ADAM28: variants seen among roughly 807,000 people sequenced by gnomAD.
The protein encoded by ADAM28 is ADAM metallopeptidase domain 28, also known as disintegrin and metalloproteinase domain-containing protein 28.
In ADAM28, 105 loss-of-function variants were observed where a neutral mutation model predicts 101.2. The observed-to-expected ratio is 1.04, with a 90% CI of 0.89 to 1.22. ADAM28 has a LOEUF of 1.22. Among genes scored for constraint, ADAM28 ranks in the 50% most tolerant of loss-of-function variants. The pLI is 0.00. For missense variants in ADAM28, 1,028 were observed against 945.4 expected (o/e 1.09, Z -1.15); for synonymous variants, 322 against 310.6 (o/e 1.04, Z -0.39).
At chr8:24,314,792 C>A (rs567651885) in intron 6 of ADAM28, among the ~76,000 whole-genome samples, 2 of 151,280 alleles carry the variant, frequency 1.3e-5, no homozygotes, top group East Asian at 3.9e-4. Context: ...TATATTGTGA[C>A]ATTAAAAGTA....
chr8:24,340,771 C>G (rs936179837), intron 15 of ADAM28: 1 of 152,160 alleles, frequency 6.6e-6, no homozygotes, highest in African/African-American at 2.4e-5. Context: ...TTTCTCCACT[C>G]CTCAAACATA....
At chr8:24,352,844 T>C (rs144874890) in intron 21 of ADAM28, among the ~76,000 whole-genome samples, 1 of 152,166 alleles carries the variant, frequency 6.6e-6, no homozygotes, top group African/African-American at 2.4e-5. Flanking sequence ...AATGTAAATG[T>C]TTTATCCTTT....
chr8:24,343,317 G>A (rs1345977109), intron 17 of ADAM28, 136 bp downstream of exon 17: 1 of 1,190,898 alleles, frequency 8.4e-7, no homozygotes, highest in East Asian at 2.5e-5. Context: ...CAGTAGCATG[G>A]TTCAAGGAGA....
chr8:24,314,348 T>C (rs1012079526), intron 6 of ADAM28, among the ~76,000 whole-genome samples: 1 of 152,180 alleles, frequency 6.6e-6, no homozygotes, highest in Non-Finnish European at 1.5e-5. Flanking sequence ...AGAATCTGGC[T>C]ACAGGAACTT....
chr8:24,317,311 A>G (rs1236780816), intron 6 of ADAM28, among the ~76,000 whole-genome samples: 9 of 152,104 alleles, frequency 5.9e-5, no homozygotes, highest in Admixed American at 5.3e-4. Flanking sequence ...AGTAATCGAA[A>G]GAGTATAATG....
Position 24,321,412 on chromosome 8 carries a change from T to G in ADAM28, c.720+123T>G, listed in dbSNP as rs575184317. ...GACATTTGAGACCAATGTGGCTGAC[T>G]GGCTCCCAAAGGATGACCACAACTT... is the stretch of plus-strand genomic sequence containing the variant. On this transcript the variant is annotated intron_variant, in intron 8 of 22. Coordinates refer to ENST00000265769, the MANE Select transcript of ADAM28 (RefSeq NM_014265.6). 9 of 821,468 alleles carry G rather than the reference T, an allele frequency of 1.1e-5. No homozygotes were observed. In the East Asian group the frequency reaches 2.2e-4, roughly 21 times the overall value. The allele number at this position is 821,468 out of a possible 1,614,324, so 50.9% of individuals were successfully genotyped here. A position where few individuals can be genotyped will look rare whatever the true frequency, so the allele number is the denominator to read the frequency against.
chr8:24,352,263 A>C (rs1816250715), intron 21 of ADAM28, among the ~76,000 whole-genome samples: 1 of 152,248 alleles, frequency 6.6e-6, no homozygotes, highest in Non-Finnish European at 1.5e-5. Context: ...TGACAAGAAG[A>C]GGACTAATCT....
chr8:24,329,357 T>C (rs971596018), intron 10 of ADAM28, among the ~76,000 whole-genome samples: 2 of 152,132 alleles, frequency 1.3e-5, no homozygotes, highest in African/African-American at 4.8e-5. Flanking sequence ...AATAGGACAT[T>C]TTAACCTGCA....
chr8:24,321,449 G>A (rs968741971), intron 8 of ADAM28, 160 bp downstream of exon 8: 3 of 686,684 alleles, frequency 4.4e-6, no homozygotes, highest in Non-Finnish European at 5.4e-6. Flanking sequence ...TGCTACATAG[G>A]TGAACATGAA....
At chr8:24,300,564 C>T (rs1037768672) in intron 2 of ADAM28, among the ~76,000 whole-genome samples, 4 of 152,026 alleles carry the variant, frequency 2.6e-5, no homozygotes, top group African/African-American at 4.8e-5. Flanking sequence ...TGCAGGCGCC[C>T]GCCACCACGC....
At chr8:24,327,739 T>A (rs777236450) in intron 10 of ADAM28, among the ~76,000 whole-genome samples, 2 of 152,042 alleles carry the variant, frequency 1.3e-5, no homozygotes, top group Non-Finnish European at 2.9e-5. Context: ...ACTACACATC[T>A]ACAACCATCT....
At chr8:24,318,687 C>T (rs1399849996) in intron 6 of ADAM28, among the ~76,000 whole-genome samples, 1 of 151,996 alleles carries the variant, frequency 6.6e-6, no homozygotes, top group Non-Finnish European at 1.5e-5. Context: ...ATCATTTGTT[C>T]AAATTTGGAT....
intron 6 of ADAM28, among the ~76,000 whole-genome samples, chr8:24,314,924 C>CAAA (rs74273500): frequency 1.0e-4 from 11 of 105,200 alleles, no homozygotes; most frequent in African/African-American, 3.5e-4. Flanking sequence ...ACGGTAAATA[C>CAAA]AAAAAAAAAA....
chr8:24,339,254 G>A (rs1814462247), intron 14 of ADAM28, among the ~76,000 whole-genome samples: 1 of 152,064 alleles, frequency 6.6e-6, no homozygotes, highest in Non-Finnish European at 1.5e-5. Flanking sequence ...AAGATTATTT[G>A]TAATTCCAGC....
At chr8:24,318,766 G>A (rs913910512) in intron 6 of ADAM28, among the ~76,000 whole-genome samples, 6 of 151,730 alleles carry the variant, frequency 4.0e-5, no homozygotes, top group Non-Finnish European at 8.8e-5. Context: ...AAGTGCCTCC[G>A]ACATATTTCA....
At chr8:24,344,165 T>C (rs1359288117) in intron 18 of ADAM28, among the ~76,000 whole-genome samples, 1 of 152,156 alleles carries the variant, frequency 6.6e-6, no homozygotes, top group Non-Finnish European at 1.5e-5. Flanking sequence ...GGGAGCTCTA[T>C]GGGCAGGTAG....
chr8:24,351,293 G>A lies in ADAM28; in HGVS notation c.2161G>A (p.Ala721Thr), dbSNP rs141262150. The A allele has an allele frequency of 1.3e-5, 21 of 1,613,194 alleles. No homozygotes were observed. Among genetic ancestry groups the A allele is most frequent in the Non-Finnish European group, 1.7e-5 (20 of 1,179,610 alleles). ...GAAGAGGAAACCCCAGATGGTAAAGGCTGTTCAACCCCAAGAGGTGAACTA... is the reference window on the plus strand; with the variant it reads ...GAAGAGGAAACCCCAGATGGTAAAGACTGTTCAACCCCAAGAGGTGAACTA... ...KQKRKPQMVK[A>T]VQPQEMSQMK... The change falls in exon 20 of 23, where the codon GCT (alanine) becomes ACT (threonine). Residue 721 changes from alanine (A) to threonine (T), a missense_variant. By Grantham distance (58) the Ala-to-Thr change is moderately conservative. Coordinates refer to ENST00000265769, the MANE Select transcript of ADAM28 (RefSeq NM_014265.6).
At chr8:24,320,564 T>C (rs1811737607) in intron 7 of ADAM28, among the ~76,000 whole-genome samples, 2 of 151,950 alleles carry the variant, frequency 1.3e-5, no homozygotes, top group Admixed American at 1.3e-4. Context: ...GACTTAAGAG[T>C]ACCCAACTTA....
intron 9 of ADAM28, 77 bp from the exon 10 acceptor site, chr8:24,326,477 A>C (rs985210534): frequency 7.5e-7 from 1 of 1,339,678 alleles, no homozygotes. Flanking sequence ...CTAACCATTT[A>C]GGGTTTTGGA....
Sources: gnomAD v4.1 joint callset for allele counts (sites outside exome capture counted in the v4.1 genomes callset) on GRCh38, gnomAD v4.1.1 for gene constraint, MANE v1.5 for transcripts, NCBI Gene and HGNC (gene_info 2026-07-23, HGNC 2026-07-21) for gene names.